The following PDE4D variants were observed in gnomAD, a reference collection of about 807,000 sequenced individuals.
PDE4D encodes the protein phosphodiesterase 4D, also known as 3',5'-cyclic-AMP phosphodiesterase 4D.
A neutral mutation model predicts 87.4 loss-of-function variants in PDE4D; 24 were observed. That is an observed-to-expected ratio of 0.27 (90% CI 0.20 to 0.39). The LOEUF (loss-of-function observed/expected upper bound fraction) is 0.39, where lower values mean the gene tolerates loss of function less well. PDE4D is among the 10% of genes least tolerant of loss of function. PDE4D has a pLI of 1.00. For missense variants in PDE4D, 714 were observed against 1,041.0 expected (o/e 0.69, Z 4.32); for synonymous variants, 384 against 383.2 (o/e 1.00, Z -0.02).
chr5:59,890,428 CT>C (rs531697814), intron 1 of PDE4D, among the ~76,000 whole-genome samples: 106 of 152,298 alleles, frequency 7.0e-4, no homozygotes, highest in African/African-American at 2.5e-3. Context: ...TGATTTGCCT[CT>C]GTTGTGATCA....
intron 1 of PDE4D, among the ~76,000 whole-genome samples, chr5:59,769,218 T>C (rs536960025): frequency 6.6e-6 from 1 of 152,302 alleles, no homozygotes; most frequent in African/African-American, 2.4e-5. Flanking sequence ...CTGTCTCTAG[T>C]TAGAACCCAA....
At chr5:60,173,279 A>G (rs1380727604) in intron 2 of PDE4D, among the ~76,000 whole-genome samples, 1 of 152,026 alleles carries the variant, frequency 6.6e-6, no homozygotes, top group Non-Finnish European at 1.5e-5. Flanking sequence ...TAATCTGTCT[A>G]AGGCTCATAA....
At chr5:59,597,995 T>TA (rs1454357925) in intron 1 of PDE4D, among the ~76,000 whole-genome samples, 5 of 152,124 alleles carry the variant, frequency 3.3e-5, no homozygotes, top group Admixed American at 3.3e-4. Context: ...CAATAGACTA[T>TA]ATAAATCACT....
intron 1 of PDE4D, among the ~76,000 whole-genome samples, chr5:60,189,358 G>C (rs538144856): frequency 2.0e-5 from 3 of 152,256 alleles, no homozygotes; most frequent in Admixed American, 2.0e-4. Context: ...TCTTGAACTG[G>C]TCATCAGATG....
intron 1 of PDE4D, among the ~76,000 whole-genome samples, chr5:59,702,099 A>G (rs932338393): frequency 3.3e-5 from 5 of 152,134 alleles, no homozygotes; most frequent in African/African-American, 4.8e-5. Context: ...ACAATTTTTG[A>G]TTAGTTAGGC....
chr5:59,299,560 A>T (rs1341096395), intron 1 of PDE4D, among the ~76,000 whole-genome samples: 2 of 152,218 alleles, frequency 1.3e-5, no homozygotes, highest in East Asian at 3.8e-4. Context: ...TGTGACACCA[A>T]AGAAGATTTT....
chr5:59,341,671 T>G (rs184942170), intron 1 of PDE4D, among the ~76,000 whole-genome samples: 1 of 152,148 alleles, frequency 6.6e-6, no homozygotes, highest in Non-Finnish European at 1.5e-5. Flanking sequence ...CCAAAATACA[T>G]ATATATGCAT....
At chr5:59,023,489 A>T (rs1327956500) in intron 6 of PDE4D, among the ~76,000 whole-genome samples, 1 of 150,958 alleles carries the variant, frequency 6.6e-6, no homozygotes, top group South Asian at 2.1e-4. Flanking sequence ...AAAAAAGTTA[A>T]ATTAAATTAA....
chr5:59,211,289 C>T (rs1393470783), intron 2 of PDE4D, among the ~76,000 whole-genome samples: 2 of 152,104 alleles, frequency 1.3e-5, no homozygotes, highest in African/African-American at 4.8e-5. Flanking sequence ...GTGACGGTCT[C>T]TGAGCAGAAG....
chr5:59,885,054 C>CATTAAACAATTTATCCTAT (rs1371897340), intron 1 of PDE4D, among the ~76,000 whole-genome samples: 42 of 151,810 alleles, frequency 2.8e-4, no homozygotes, highest in African/African-American at 1.0e-3. Flanking sequence ...TTCCATAAAC[C>CATTAAACAATTTATCCTAT]ATTAAACAAT....
chr5:60,501,828 C>T (rs564736213), intron 1 of PDE4D, among the ~76,000 whole-genome samples: 18 of 152,228 alleles, frequency 1.2e-4, no homozygotes, highest in South Asian at 4.2e-4. Context: ...TCGTGTCCTT[C>T]GCCCACTTTT....
intron 1 of PDE4D, among the ~76,000 whole-genome samples, chr5:59,499,316 A>G (rs1285068691): frequency 6.7e-6 from 1 of 150,090 alleles, no homozygotes; most frequent in African/African-American, 2.4e-5. Flanking sequence ...TCAAGAAGAT[A>G]CATCTGAAAT....
At chr5:59,467,626 A>G (rs946399659) in intron 1 of PDE4D, among the ~76,000 whole-genome samples, 1 of 152,360 alleles carries the variant, frequency 6.6e-6, no homozygotes, top group African/African-American at 2.4e-5. Context: ...TATTTACCAT[A>G]TATGTTTAAA....
chr5:59,024,275 A>T (rs1755808985), intron 6 of PDE4D, among the ~76,000 whole-genome samples: 2 of 137,200 alleles, frequency 1.5e-5, no homozygotes, highest in African/African-American at 5.6e-5. Context: ...ATCTTGGCTC[A>T]CTGCAACCTC....
chr5:60,371,918 T>C (rs1202377064), intron 1 of PDE4D, among the ~76,000 whole-genome samples: 3 of 152,226 alleles, frequency 2.0e-5, no homozygotes, highest in African/African-American at 7.2e-5. Context: ...TTCACCATTA[T>C]AAATAATGCT....
chr5:60,197,622 T>C (rs1741423959), intron 1 of PDE4D, among the ~76,000 whole-genome samples: 1 of 151,514 alleles, frequency 6.6e-6, no homozygotes, highest in Non-Finnish European at 1.5e-5. Flanking sequence ...ACAACTTTTA[T>C]CCTAGCACCA....
intron 1 of PDE4D, among the ~76,000 whole-genome samples, chr5:59,589,107 A>C (rs1468894526): frequency 6.6e-6 from 1 of 152,176 alleles, no homozygotes; most frequent in Non-Finnish European, 1.5e-5. Flanking sequence ...TCTCCAGATG[A>C]GGCTATTGAG....
intron 2 of PDE4D, among the ~76,000 whole-genome samples, chr5:60,166,793 T>C (rs955254702): frequency 2.2e-4 from 33 of 152,234 alleles, no homozygotes; most frequent in African/African-American, 7.7e-4. Flanking sequence ...AAAGTATTTA[T>C]TTCTAAAAGA....
chr5:59,360,337 A>T (rs1782017229), intron 1 of PDE4D, among the ~76,000 whole-genome samples: 1 of 152,166 alleles, frequency 6.6e-6, no homozygotes, highest in Admixed American at 6.5e-5. Context: ...TGCTTCAGGA[A>T]ACCAGAGCAG....
Sources: gnomAD v4.1 joint callset for allele counts (sites outside exome capture counted in the v4.1 genomes callset) on GRCh38, gnomAD v4.1.1 for gene constraint, MANE v1.5 for transcripts, NCBI Gene and HGNC (gene_info 2026-07-23, HGNC 2026-07-21) for gene names.